Variants in RAB28 observed in about 807,000 individuals in gnomAD.
The protein encoded by RAB28 is RAB28, member RAS oncogene family.
In RAB28, 24 loss-of-function variants were observed where a neutral mutation model predicts 31.7. The observed-to-expected ratio is 0.76, with a 90% CI of 0.55 to 1.06. The LOEUF (loss-of-function observed/expected upper bound fraction) is 1.06, where lower values mean the gene tolerates loss of function less well. RAB28 is among the 50% of genes least tolerant of loss of function. The pLI is 0.00. For synonymous variants in RAB28, 100 were observed against 90.4 expected (o/e 1.11, Z -0.60); for missense variants, 254 against 258.5 (o/e 0.98, Z 0.12).
chr4:13,414,275 G>T (rs947519625), intron 4 of RAB28, among the ~76,000 whole-genome samples: 1 of 152,084 alleles, frequency 6.6e-6, no homozygotes, highest in African/African-American at 2.4e-5. Flanking sequence ...AGGTTACCAC[G>T]GGAACAGAGC....
chr4:13,378,982 G>A (rs1310109977), intron 5 of RAB28, among the ~76,000 whole-genome samples: 2 of 152,022 alleles, frequency 1.3e-5, no homozygotes, highest in African/African-American at 4.8e-5. Context: ...AGACTGAGGC[G>A]GGTGAATCAC....
intron 4 of RAB28, among the ~76,000 whole-genome samples, chr4:13,415,514 G>C (rs1712716339): frequency 6.6e-6 from 1 of 152,104 alleles, no homozygotes; most frequent in Non-Finnish European, 1.5e-5. Flanking sequence ...TGCCGGCCCG[G>C]GCAATGAGGA....
chr4:13,465,864 A>G (rs1715818405), intron 3 of RAB28, among the ~76,000 whole-genome samples: 1 of 151,862 alleles, frequency 6.6e-6, no homozygotes, highest in Non-Finnish European at 1.5e-5. Flanking sequence ...GGTACCGGCA[A>G]AAAATAGACA....
intron 3 of RAB28, among the ~76,000 whole-genome samples, chr4:13,468,951 T>C (rs754611625): frequency 6.6e-6 from 1 of 151,858 alleles, no homozygotes; most frequent in Non-Finnish European, 1.5e-5. Context: ...ACCACAAATT[T>C]GACAATATAA....
chr4:13,474,351 G>C lies in RAB28; in HGVS notation c.228C>G (p.Gly76=), dbSNP rs1172748633. The C allele has an allele frequency of 6.3e-7, 1 of 1,596,958 alleles. No individual in the cohort carries two copies. The highest frequency in any genetic ancestry group is 8.6e-7 in the Non-Finnish European group (1 of 1,167,370). The stretch of plus-strand genomic sequence containing the variant: ...CATAGATATATTTATCCAACATTTT[G>C]CCTCCTATTGTCTGCCCTCCTATAT... ...IWDIGGQTIG[G]KMLDKYIYGA... The change falls in exon 3 of 7, where the codon GGC becomes GGG. Residue 76 remains glycine, a synonymous_variant. Transcript: ENST00000330852.
chr4:13,392,471 G>T (rs778614152), intron 4 of RAB28, among the ~76,000 whole-genome samples: 2 of 151,918 alleles, frequency 1.3e-5, no homozygotes, highest in Non-Finnish European at 2.9e-5. Flanking sequence ...TTTGCATTAA[G>T]GTAAATACAG....
intron 4 of RAB28, among the ~76,000 whole-genome samples, chr4:13,401,179 C>A (rs1456386852): frequency 1.3e-5 from 2 of 152,072 alleles, no homozygotes; most frequent in Admixed American, 1.3e-4. Context: ...CCAGTAAAAC[C>A]TTCTGGATCC....
chr4:13,368,240 A>T lies in RAB28; in HGVS notation c.*318T>A, dbSNP rs983421656. On this transcript the variant is annotated 3_prime_UTR_variant, in exon 7 of 7. Transcript: ENST00000330852. ...CAAGACTTGGAGAGTTTTCATATTA[A>T]GTTAAAAAAATTTACATCAATGAAA... 1 of 1,012,382 alleles carries T rather than the reference A, an allele frequency of 9.9e-7. No individual in the cohort carries two copies. The highest frequency in any genetic ancestry group is 4.6e-5 in the South Asian group (1 of 21,798). 62.7% of individuals were successfully genotyped at this position (1,012,382 alleles called of 1,614,324 possible).
intron 4 of RAB28, among the ~76,000 whole-genome samples, chr4:13,446,553 C>T (rs1714708927): frequency 6.6e-6 from 1 of 152,202 alleles, no homozygotes; most frequent in South Asian, 2.1e-4. Flanking sequence ...AAAAGCGTAG[C>T]ACCCGGGGTA....
intron 4 of RAB28, among the ~76,000 whole-genome samples, chr4:13,448,602 A>T (rs994585331): frequency 2.6e-5 from 4 of 152,070 alleles, no homozygotes; most frequent in African/African-American, 9.6e-5. Flanking sequence ...ACAGTTTTTG[A>T]TTGATATTAT....
At chr4:13,417,721 C>G (rs1338484604) in intron 4 of RAB28, among the ~76,000 whole-genome samples, 1 of 152,164 alleles carries the variant, frequency 6.6e-6, no homozygotes, top group African/African-American at 2.4e-5. Flanking sequence ...AAAAGGACAT[C>G]CACACCAAAA....
chr4:13,444,921 G>A (rs550817803), intron 4 of RAB28, among the ~76,000 whole-genome samples: 50 of 151,752 alleles, frequency 3.3e-4, no homozygotes, highest in South Asian at 1.5e-3. Flanking sequence ...TTTGAATGTC[G>A]GCCTGTCTTG....
At chr4:13,474,205 T>C in intron 3 of RAB28, 113 bp downstream of exon 3, 2 of 795,538 alleles carry the variant, frequency 2.5e-6, no homozygotes, top group South Asian at 2.7e-5. Flanking sequence ...TCTCTACGTA[T>C]CAGATAAAAA....
intron 6 of RAB28, chr4:13,370,400 C>G: frequency 1.1e-6 from 1 of 874,184 alleles, no homozygotes; most frequent in African/African-American, 1.8e-5. Context: ...TGAAGATATA[C>G]TATGTGCCAG....
At chr4:13,447,467 A>C (rs1714756412) in intron 4 of RAB28, among the ~76,000 whole-genome samples, 1 of 152,046 alleles carries the variant, frequency 6.6e-6, no homozygotes, top group Admixed American at 6.6e-5. Flanking sequence ...TTCTGTTATA[A>C]AAAAAAGAGA....
At chr4:13,414,264 C>A (rs1421844410) in intron 4 of RAB28, among the ~76,000 whole-genome samples, 1 of 152,150 alleles carries the variant, frequency 6.6e-6, no homozygotes, top group Admixed American at 6.5e-5. Flanking sequence ...ACTACCTTAA[C>A]AGGTTACCAC....
intron 2 of RAB28, among the ~76,000 whole-genome samples, chr4:13,476,292 TA>T (rs890670020): frequency 6.6e-6 from 1 of 151,616 alleles, no homozygotes; most frequent in Non-Finnish European, 1.5e-5. Context: ...GTCTCCCATC[TA>T]AGAGGTTCAT....
At chr4:13,439,116 T>A (rs1051785818) in intron 4 of RAB28, among the ~76,000 whole-genome samples, 1 of 152,226 alleles carries the variant, frequency 6.6e-6, no homozygotes, top group Admixed American at 6.5e-5. Flanking sequence ...CATTTTTAAA[T>A]TGAGTTATTT....
chr4:13,460,496 A>T (rs560745042), intron 4 of RAB28, among the ~76,000 whole-genome samples: 75 of 152,282 alleles, frequency 4.9e-4, no homozygotes, highest in African/African-American at 1.7e-3. Context: ...GACTACAAGC[A>T]TTAGCCACTG....
Sources: allele counts gnomAD v4.1 joint callset (sites outside exome capture counted in the v4.1 genomes callset), GRCh38; gene constraint gnomAD v4.1.1; transcripts MANE v1.5; gene names NCBI Gene and HGNC (gene_info 2026-07-23, HGNC 2026-07-21).